SHISAL1: variants seen among roughly 807,000 people sequenced by gnomAD.
The protein encoded by SHISAL1 is shisa like 1.
SHISAL1 carries 9 observed loss-of-function variants against 22.6 expected under a neutral mutation model. The ratio of observed to expected loss-of-function variants is 0.40; its 90% CI spans 0.24 to 0.70. SHISAL1 has a LOEUF of 0.70. Ranked by LOEUF, SHISAL1 falls within the 30% of genes least tolerant of loss-of-function variation. SHISAL1 has a pLI of 0.39. For synonymous variants in SHISAL1, 119 were observed against 115.4 expected, an observed-to-expected ratio of 1.03 and a Z score of -0.20; for missense variants, 246 against 270.6, an observed-to-expected ratio of 0.91 and a Z score of 0.64.
rs1162011055 is a variant in SHISAL1 at position 44,249,283 on chromosome 22, CT to C, written c.*401del. ...TGACACAAATAGCCCCAAGGGGCCACTACTGGAGGGAGCAGGGGCAAGGGAA... is the reference window on the plus strand; with the variant it reads ...TGACACAAATAGCCCCAAGGGGCCACACTGGAGGGAGCAGGGGCAAGGGAA... On this transcript the variant is annotated 3_prime_UTR_variant, in exon 5 of 5. Transcript: ENST00000381176. 2 of 189,334 alleles carry C rather than the reference CT, an allele frequency of 1.1e-5. No individual in the cohort carries two copies. Among genetic ancestry groups the C allele is most frequent in the African/African-American group, 4.7e-5 (2 of 42,484 alleles). The allele number at this position is 189,334 out of a possible 1,614,324, so 11.7% of individuals were successfully genotyped here. A position where few individuals can be genotyped will look rare whatever the true frequency, so the allele number is the denominator to read the frequency against.
At chr22:44,282,101 G>A (rs1219501608) in intron 4 of SHISAL1, among the ~76,000 whole-genome samples, 1 of 152,230 alleles carries the variant, frequency 6.6e-6, no homozygotes, top group Non-Finnish European at 1.5e-5. Context: ...GCGGTGGCCT[G>A]GGGGCTGCCT....
At chr22:44,285,279 A>T in intron 4 of SHISAL1, 149 bp downstream of exon 4, 1 of 815,664 alleles carries the variant, frequency 1.2e-6, no homozygotes, top group Non-Finnish European at 2.0e-6. Flanking sequence ...TACCCATAAC[A>T]GTTTGAAATT....
intron 4 of SHISAL1, among the ~76,000 whole-genome samples, chr22:44,259,753 C>G (rs1196988258): frequency 6.6e-6 from 1 of 152,194 alleles, no homozygotes; most frequent in East Asian, 1.9e-4. Context: ...GTGGCTGGAC[C>G]ACAATGTCAG....
chr22:44,267,759 C>G (rs1011877250), intron 4 of SHISAL1, among the ~76,000 whole-genome samples: 2 of 152,366 alleles, frequency 1.3e-5, no homozygotes, highest in Non-Finnish European at 2.9e-5. Flanking sequence ...GCCTCAGTGC[C>G]TCTGCACGTG....
intron 4 of SHISAL1, among the ~76,000 whole-genome samples, chr22:44,262,913 C>G (rs1215595046): frequency 6.6e-6 from 1 of 152,094 alleles, no homozygotes; most frequent in Admixed American, 6.5e-5. Context: ...TAACCCTTCC[C>G]GCAGACGAAA....
intron 4 of SHISAL1, among the ~76,000 whole-genome samples, chr22:44,282,295 A>C (rs1271825963): frequency 6.6e-6 from 1 of 152,240 alleles, no homozygotes; most frequent in Admixed American, 6.5e-5. Flanking sequence ...GGTGGGAGCC[A>C]GGGGCAGGGA....
the SHISAL1 span, among the ~76,000 whole-genome samples, chr22:44,324,400 GC>G: frequency 6.6e-6 from 1 of 152,166 alleles, no homozygotes; most frequent in Non-Finnish European, 1.5e-5. Context: ...ACAACCACAG[GC>G]TTGGTGGTCC....
At chr22:44,275,626 G>A (rs1046577351) in intron 4 of SHISAL1, among the ~76,000 whole-genome samples, 11 of 152,192 alleles carry the variant, frequency 7.2e-5, no homozygotes, top group Admixed American at 1.3e-4. Context: ...AAGTAAAGGC[G>A]GAGACGTTGC....
intron 4 of SHISAL1, among the ~76,000 whole-genome samples, chr22:44,282,553 C>A (rs2055284022): frequency 6.6e-6 from 1 of 152,194 alleles, no homozygotes; most frequent in Non-Finnish European, 1.5e-5. Context: ...GCTGCCCCTG[C>A]ACAGGGAGCC....
At chr22:44,261,160 A>AC (rs949655616) in intron 4 of SHISAL1, among the ~76,000 whole-genome samples, 15 of 149,408 alleles carry the variant, frequency 1.0e-4, no homozygotes, top group Non-Finnish European at 1.3e-4. Context: ...TTTAAAAAAA[A>AC]AAAATTCTAC....
intron 4 of SHISAL1, among the ~76,000 whole-genome samples, chr22:44,259,901 C>T (rs117439716): frequency 2.1e-4 from 32 of 152,306 alleles, no homozygotes; most frequent in African/African-American, 5.3e-4. Flanking sequence ...CTCCACCAGG[C>T]GCTCCCTGCA....
At position 44,286,706 on chromosome 22, in the gene SHISAL1, G is replaced by A. The variant is rs73432506; in HGVS notation, c.282-961C>T. Among the ~76,000 whole-genome samples, 715 of 152,270 alleles carry A rather than the reference G, an allele frequency of 4.7e-3. 4 individuals carry two copies. The highest frequency in any genetic ancestry group is 0.016 in the African/African-American group (678 of 41,556). On this transcript the variant is annotated intron_variant, in intron 3 of 4. Coordinates refer to ENST00000381176, the MANE Select transcript of SHISAL1 (RefSeq NM_001099294.2). ...TCAAACCCAGCCCCTGTCACCCAGA[G>A]CCACATCTGTCTCCCACACCCTTCC...
intron 3 of SHISAL1, among the ~76,000 whole-genome samples, chr22:44,296,449 C>T (rs920757602): frequency 3.9e-5 from 6 of 152,188 alleles, no homozygotes; most frequent in African/African-American, 1.2e-4. Context: ...TGTGAGCTAC[C>T]GCGCCTGGCC....
At chr22:44,258,870 G>C (rs148315201) in intron 4 of SHISAL1, among the ~76,000 whole-genome samples, 1,570 of 152,286 alleles carry the variant, frequency 0.01, 81 homozygotes, top group Admixed American at 0.091. Flanking sequence ...ATGTAAGAGT[G>C]GGGTGGATGG....
At position 44,285,640 on chromosome 22, in the gene SHISAL1, C is replaced by A. The variant is rs1433400487; in HGVS notation, c.387G>T (p.Lys129Asn). The A allele has an allele frequency of 6.2e-7, 1 of 1,614,214 alleles. No homozygotes were observed. The highest frequency in any genetic ancestry group is 1.1e-5 in the South Asian group (1 of 91,084). Reference protein sequence around the residue: ...YYSAMNYDICKVYLARWGIQG... With the variant: ...YYSAMNYDICNVYLARWGIQG... ...GGATGCCCCACCGTGCCAGGTAGACCTTGCAGATGTCGTAGTTCATTGCCG... is the reference window on the plus strand; with the variant it reads ...GGATGCCCCACCGTGCCAGGTAGACATTGCAGATGTCGTAGTTCATTGCCG... Residue 129 changes from lysine (K) to asparagine (N), a missense_variant, in exon 4 of 5, where the codon AAG (lysine) becomes AAT (asparagine). Lys to Asn is a moderately conservative substitution (Grantham distance 94). Around this residue, in one of 2 missense-constraint regions of SHISAL1, gnomAD observed 136 missense variants for 117.5 expected, o/e 1.16. Transcript: ENST00000381176.
rs532483019 is a variant in SHISAL1, at chr22:44,311,228, C to T, written c.-33+1523G>A. On this transcript the variant is annotated intron_variant, in intron 1 of 4. Coordinates refer to ENST00000381176, the MANE Select transcript of SHISAL1 (RefSeq NM_001099294.2). ...GGGCCCTCACTGTCTCCCTACCAGG[C>T]GGGCATACCACTTGCTCCATGGGGC... Among the ~76,000 whole-genome samples, 8 of 152,286 alleles carry T rather than the reference C, an allele frequency of 5.3e-5. No individual in the cohort carries two copies. The East Asian group carries it at 1.4e-3, about 26-fold the overall frequency.
At chr22:44,324,166 C>T in the SHISAL1 span, among the ~76,000 whole-genome samples, 118 of 152,318 alleles carry the variant, frequency 7.7e-4, no homozygotes, top group South Asian at 0.013. Flanking sequence ...TCACAAGCCA[C>T]TCAGGTTATT....
rs12160126 is a variant in SHISAL1, at chr22:44,276,824, C to T, written c.599+8604G>A. On this transcript the variant is annotated intron_variant, in intron 4 of 4. Coordinates refer to ENST00000381176, the MANE Select transcript of SHISAL1 (RefSeq NM_001099294.2). The stretch of plus-strand genomic sequence containing the variant: ...TGGAGCTGTGGATCCGGGTGGGGTC[C>T]CCAGGGGTGGGTGGAAATGAGAGAG... Among the ~76,000 whole-genome samples the T allele has an allele frequency of 7.6e-3, 1,123 of 147,914 alleles. 16 individuals carry two copies. The highest frequency in any genetic ancestry group is 0.027 in the African/African-American group (1,025 of 37,720).
At chr22:44,299,082 C>T (rs951647993) in intron 2 of SHISAL1, among the ~76,000 whole-genome samples, 13 of 152,308 alleles carry the variant, frequency 8.5e-5, no homozygotes, top group South Asian at 2.1e-4. Context: ...AACAGCAAGG[C>T]GCAGCCCCCA....
Sources: allele counts gnomAD v4.1 joint callset (sites outside exome capture counted in the v4.1 genomes callset), GRCh38; gene constraint gnomAD v4.1.1; regional missense constraint gnomAD v4.1.1; transcripts MANE v1.5; gene names NCBI Gene and HGNC (gene_info 2026-07-23, HGNC 2026-07-21).